Variants in ADGRL3 observed in about 807,000 individuals in gnomAD.
The protein encoded by ADGRL3 is adhesion G protein-coupled receptor L3, also known as calcium-independent alpha-latrotoxin receptor 3.
ADGRL3 carries 62 observed loss-of-function variants against 153.5 expected under a neutral mutation model. That is an observed-to-expected ratio of 0.40 (90% CI 0.33 to 0.50). The LOEUF (loss-of-function observed/expected upper bound fraction) is 0.50. Among genes scored for constraint, ADGRL3 ranks in the 20% least tolerant of loss-of-function variants. The pLI is 0.47. For synonymous variants in ADGRL3, 710 were observed against 672.5 expected (o/e 1.06, Z -0.86); for missense variants, 1,641 against 1,859.4 (o/e 0.88, Z 2.16).
At chr4:62,010,361 G>A (rs2099179810) in intron 21 of ADGRL3, among the ~76,000 whole-genome samples, 1 of 152,064 alleles carries the variant, frequency 6.6e-6, no homozygotes, top group Non-Finnish European at 1.5e-5. Flanking sequence ...GAAGGCACAT[G>A]GAAGATTCCA....
chr4:61,797,726 A>T (rs2097431702), intron 8 of ADGRL3, among the ~76,000 whole-genome samples: 1 of 73,222 alleles, frequency 1.4e-5, no homozygotes, highest in South Asian at 6.6e-4. Context: ...AAAACCCAAC[A>T]ACATATTTTC....
intron 2 of ADGRL3, among the ~76,000 whole-genome samples, chr4:61,473,246 CT>C (rs1337761562): frequency 1.8e-4 from 26 of 147,752 alleles, no homozygotes; most frequent in Non-Finnish European, 3.1e-4. Context: ...TGTGTGTGGT[CT>C]TTTTTTTAAG....
At chr4:61,933,806 G>C (rs776195947) in intron 13 of ADGRL3, 3 of 152,082 alleles carry the variant, frequency 2.0e-5, no homozygotes, top group Admixed American at 6.6e-5. Flanking sequence ...CCAGCCCCTC[G>C]GCCAATGTGT....
chr4:61,811,847 ATGAG>A, intron 8 of ADGRL3, among the ~76,000 whole-genome samples: 1 of 152,234 alleles, frequency 6.6e-6, no homozygotes, highest in East Asian at 1.9e-4. Flanking sequence ...TTAGGTATGT[ATGAG>A]TGTTTTGTGG....
At chr4:61,834,542 C>T (rs954734794) in intron 9 of ADGRL3, among the ~76,000 whole-genome samples, 1 of 152,124 alleles carries the variant, frequency 6.6e-6, no homozygotes, top group Non-Finnish European at 1.5e-5. Context: ...AAGGCAGTTT[C>T]AATCCCTCCC....
At position 61,587,297 on chromosome 4, in the gene ADGRL3, G is replaced by A. The variant is rs2098950272; in HGVS notation, c.330G>A (p.Glu110=). The A allele has an allele frequency of 6.2e-7, 1 of 1,611,528 alleles. No individual in the cohort carries two copies. The highest frequency in any genetic ancestry group is 2.2e-5 in the East Asian group (1 of 44,676). The part of the protein sequence containing the change: ...RELSCESYPI[E]LRCPGTDVIM... ...TATCCTGTGAGAGCTATCCTATAGA[G>A]CTTCGCTGTCCAGGAACAGACGTCA... Residue 110 remains glutamate, a synonymous_variant, in exon 5 of 27, where the codon GAG becomes GAA. Coordinates refer to ENST00000683033, the MANE Select transcript of ADGRL3 (RefSeq NM_001387552.1).
chr4:61,218,155 G>C (rs946724755), intron 1 of ADGRL3, among the ~76,000 whole-genome samples: 1 of 152,066 alleles, frequency 6.6e-6, no homozygotes, highest in Non-Finnish European at 1.5e-5. Flanking sequence ...AATGTTTTTT[G>C]TTTAAGAGTC....
chr4:61,587,165 A>G (rs921994418), intron 4 of ADGRL3, 62 bp from the exon 5 acceptor site: 1 of 1,086,860 alleles, frequency 9.2e-7, no homozygotes, highest in South Asian at 1.4e-5. Flanking sequence ...AAGCGAACAC[A>G]TGTAATTTTC....
At chr4:61,287,998 T>C (rs2094009721) in intron 1 of ADGRL3, among the ~76,000 whole-genome samples, 1 of 152,090 alleles carries the variant, frequency 6.6e-6, no homozygotes, top group South Asian at 2.1e-4. Flanking sequence ...TTTTAGGATC[T>C]TTTTATTCAT....
intron 9 of ADGRL3, among the ~76,000 whole-genome samples, chr4:61,836,252 A>G (rs2097933388): frequency 6.6e-6 from 1 of 152,192 alleles, no homozygotes; most frequent in Admixed American, 6.6e-5. Context: ...AAGCTGCAAC[A>G]TTCTATGATT....
At chr4:61,445,575 T>C (rs1222030684) in intron 2 of ADGRL3, among the ~76,000 whole-genome samples, 1 of 152,164 alleles carries the variant, frequency 6.6e-6, no homozygotes, top group East Asian at 1.9e-4. Flanking sequence ...GCAGGTTAGT[T>C]AAAGAGGCAG....
intron 4 of ADGRL3, among the ~76,000 whole-genome samples, chr4:61,534,624 T>G (rs376737425): frequency 1.3e-5 from 2 of 152,128 alleles, no homozygotes; most frequent in Admixed American, 6.5e-5. Flanking sequence ...CATCAGTGTT[T>G]TGTGGTTCTC....
At chr4:61,566,492 A>G (rs575530192) in intron 4 of ADGRL3, among the ~76,000 whole-genome samples, 2 of 152,294 alleles carry the variant, frequency 1.3e-5, no homozygotes, top group East Asian at 1.9e-4. Context: ...AATTTAAAAG[A>G]ATGATCTGGA....
At chr4:61,983,277 G>C (rs2099074751) in intron 18 of ADGRL3, 106 bp from the exon 19 acceptor site, 1 of 741,908 alleles carries the variant, frequency 1.3e-6, no homozygotes, top group South Asian at 1.8e-5. Flanking sequence ...TTATTTTGCA[G>C]ATCTATTGTA....
At chr4:61,829,998 T>C (rs2097851370) in intron 9 of ADGRL3, among the ~76,000 whole-genome samples, 1 of 151,218 alleles carries the variant, frequency 6.6e-6, no homozygotes. Context: ...AAGTCTCCCA[T>C]CTCTACAAAA....
At chr4:61,521,966 G>A (rs1330468872) in intron 4 of ADGRL3, among the ~76,000 whole-genome samples, 1 of 152,064 alleles carries the variant, frequency 6.6e-6, no homozygotes, top group African/African-American at 2.4e-5. Flanking sequence ...ATAATAACTG[G>A]TAGCCTTATT....
chr4:61,729,795 G>A (rs2096408992), intron 6 of ADGRL3, among the ~76,000 whole-genome samples: 1 of 151,868 alleles, frequency 6.6e-6, no homozygotes, highest in Non-Finnish European at 1.5e-5. Flanking sequence ...ACTTGTATTG[G>A]TCAGTACCTT....
intron 1 of ADGRL3, among the ~76,000 whole-genome samples, chr4:61,276,055 T>C (rs1042241755): frequency 6.6e-6 from 1 of 152,184 alleles, no homozygotes; most frequent in Non-Finnish European, 1.5e-5. Context: ...AGAGTTATTC[T>C]GGTGAAATGA....
intron 2 of ADGRL3, among the ~76,000 whole-genome samples, chr4:61,458,716 G>C (rs1009304323): frequency 1.3e-5 from 2 of 151,394 alleles, no homozygotes; most frequent in Admixed American, 6.6e-5. Flanking sequence ...GCTAATATTT[G>C]TGAATAAAAT....
Sources: gnomAD v4.1 joint callset for allele counts (sites outside exome capture counted in the v4.1 genomes callset) on GRCh38, gnomAD v4.1.1 for gene constraint, MANE v1.5 for transcripts, NCBI Gene and HGNC (gene_info 2026-07-23, HGNC 2026-07-21) for gene names.